Variants in LPP observed in about 807,000 individuals in gnomAD.
The protein encoded by LPP is LIM domain containing preferred translocation partner in lipoma.
In LPP, 38 loss-of-function variants were observed where a neutral mutation model predicts 60.4. The observed-to-expected ratio is 0.63, with a 90% CI of 0.49 to 0.83. The LOEUF is 0.83. Among genes scored for constraint, LPP ranks in the 40% least tolerant of loss-of-function variants. The pLI is 0.00. For missense variants in LPP, 902 were observed against 783.6 expected, an observed-to-expected ratio of 1.15 and a Z score of -1.80; for synonymous variants, 328 against 290.8, an observed-to-expected ratio of 1.13 and a Z score of -1.30.
intron 3 of LPP, among the ~76,000 whole-genome samples, chr3:188,372,181 TG>T (rs1472624898): frequency 6.6e-6 from 1 of 152,100 alleles, no homozygotes; most frequent in Admixed American, 6.6e-5. Flanking sequence ...TTTTCAAAAT[TG>T]GCTTGACAGC....
intron 1 of LPP, among the ~76,000 whole-genome samples, chr3:188,177,575 G>C (rs201411056): frequency 6.6e-6 from 1 of 152,116 alleles, no homozygotes; most frequent in Non-Finnish European, 1.5e-5. Context: ...GGAGAGGCCT[G>C]GCTAGGAGTT....
At chr3:188,340,621 T>G (rs1762814472) in intron 2 of LPP, among the ~76,000 whole-genome samples, 1 of 152,126 alleles carries the variant, frequency 6.6e-6, no homozygotes, top group African/African-American at 2.4e-5. Flanking sequence ...ACCTAGGGCA[T>G]GATTATGGGC....
chr3:188,270,104 C>T (rs1430638928), intron 2 of LPP, among the ~76,000 whole-genome samples: 3 of 152,112 alleles, frequency 2.0e-5, no homozygotes, highest in East Asian at 3.9e-4. Flanking sequence ...TGGTTGTTCG[C>T]AGGAAAGAGG....
chr3:188,230,639 C>T (rs971516467), intron 2 of LPP, among the ~76,000 whole-genome samples: 18 of 151,552 alleles, frequency 1.2e-4, no homozygotes, highest in African/African-American at 3.2e-4. Context: ...CAAAATTAGC[C>T]GGGCATGCCT....
chr3:188,686,158 G>T (rs539709047), intron 7 of LPP, among the ~76,000 whole-genome samples: 26 of 152,062 alleles, frequency 1.7e-4, no homozygotes, highest in Middle Eastern at 6.8e-3. Flanking sequence ...GAAATACTCA[G>T]CCCAGAGCTC....
At chr3:188,630,093 G>A (rs573535624) in intron 7 of LPP, among the ~76,000 whole-genome samples, 1 of 152,202 alleles carries the variant, frequency 6.6e-6, no homozygotes, top group African/African-American at 2.4e-5. Context: ...GTCTCCGAAA[G>A]CAATTGCAAC....
At chr3:188,228,613 G>T (rs916961617) in intron 2 of LPP, among the ~76,000 whole-genome samples, 3 of 152,150 alleles carry the variant, frequency 2.0e-5, no homozygotes, top group Non-Finnish European at 4.4e-5. Context: ...GCAAGACCCT[G>T]TCTCTACAAC....
At chr3:188,756,620 A>AT in intron 8 of LPP, among the ~76,000 whole-genome samples, 1 of 152,242 alleles carries the variant, frequency 6.6e-6, no homozygotes, top group East Asian at 1.9e-4. Flanking sequence ...CAGTTTGTAA[A>AT]TGTTTGTTCA....
chr3:188,484,617 A>T lies in LPP; in HGVS notation c.219A>T (p.Pro73=). The T allele has an allele frequency of 6.2e-7, 1 of 1,613,646 alleles. No individual in the cohort carries two copies. Residue 73 remains proline (P), a synonymous_variant, in exon 5 of 12, where the codon CCA becomes CCT. Transcript: ENST00000617246. ...GTGATTTTCTTCCACCCCCACCTCC[A>T]CCTCTAGATGATTCCAGTGCCCTTC... ...GEGDFLPPPP[P]PLDDSSALPS... is the part of the protein sequence containing the mutation.
chr3:188,717,253 A>G (rs1443892308), intron 8 of LPP, among the ~76,000 whole-genome samples: 1 of 152,246 alleles, frequency 6.6e-6, no homozygotes, highest in Admixed American at 6.5e-5. Flanking sequence ...CATAAGATAG[A>G]TGAGTTAACA....
Position 188,797,895 on chromosome 3 carries a change from G to A in LPP, c.1410+37613G>A, listed in dbSNP as rs1289898086. Reference sequence around the variant, plus strand: ...CTGGTGGGAAAAATGCTTTGAGGTTGAATTAAGCTCACATTGAACTCTATG... The same window carrying A: ...CTGGTGGGAAAAATGCTTTGAGGTTAAATTAAGCTCACATTGAACTCTATG... On this transcript the variant is annotated intron_variant, in intron 9 of 11. Coordinates refer to ENST00000617246, the MANE Select transcript of LPP (RefSeq NM_001375462.1). 2.6e-5 allele frequency among the ~76,000 whole-genome samples: 4 copies of A among 152,166 alleles called. No individual in the cohort carries two copies. The East Asian group carries it at 7.7e-4, about 29-fold the overall frequency.
intron 9 of LPP, among the ~76,000 whole-genome samples, chr3:188,782,740 A>G (rs937574959): frequency 2.6e-5 from 3 of 114,276 alleles, no homozygotes; most frequent in Admixed American, 8.7e-5. Flanking sequence ...TGTTGCTGGG[A>G]AAAAAAAAAA....
chr3:188,486,482 TGGGCATTATCAATATG>T (rs1806563075), intron 5 of LPP, among the ~76,000 whole-genome samples: 1 of 152,152 alleles, frequency 6.6e-6, no homozygotes, highest in South Asian at 2.1e-4. Context: ...CCTACTAGGA[TGGGCATTATCAATATG>T]GCCCCACTGA....
intron 3 of LPP, among the ~76,000 whole-genome samples, chr3:188,386,100 A>T (rs1778194347): frequency 6.6e-6 from 1 of 152,106 alleles, no homozygotes; most frequent in Non-Finnish European, 1.5e-5. Flanking sequence ...AAGTATGAGA[A>T]ATGATTGATG....
intron 7 of LPP, among the ~76,000 whole-genome samples, chr3:188,700,099 C>T (rs965142055): frequency 5.3e-5 from 8 of 152,018 alleles, no homozygotes; most frequent in African/African-American, 1.9e-4. Flanking sequence ...AGGGAAGGAA[C>T]CTCTTGTACA....
At chr3:188,371,641 A>ATATATATATATAT (rs1553878071) in intron 3 of LPP, among the ~76,000 whole-genome samples, 2 of 32,172 alleles carry the variant, frequency 6.2e-5, no homozygotes, top group Non-Finnish European at 1.0e-4. Context: ...ATATATATAT[A>ATATATATATATAT]TTTTTTTTTT....
In LPP at chr3:188,310,399, A is replaced by G. The variant is rs149377711; in HGVS notation, c.-66-31264A>G. On this transcript the variant is annotated intron_variant, in intron 2 of 11. Transcript: ENST00000617246. ...AGGATGCCCGGTTGATGAGTGCGCT[A>G]TAGGTGCTTGGGAGTGAGAAGGCAA... Among the ~76,000 whole-genome samples the G allele has an allele frequency of 2.7e-3, 405 of 152,204 alleles. 2 individuals carry two copies. The highest frequency in any genetic ancestry group is 4.2e-3 in the Non-Finnish European group (289 of 68,008).
intron 1 of LPP, among the ~76,000 whole-genome samples, chr3:188,160,247 T>A (rs1347455968): frequency 6.6e-6 from 1 of 151,750 alleles, no homozygotes; most frequent in Non-Finnish European, 1.5e-5. Context: ...CAGGCTGTAG[T>A]GCAATGGCCC....
intron 4 of LPP, among the ~76,000 whole-genome samples, chr3:188,480,539 C>A (rs1453980205): frequency 6.6e-6 from 1 of 152,132 alleles, no homozygotes; most frequent in Non-Finnish European, 1.5e-5. Context: ...ATGGAGGGAC[C>A]AGGTCTGAAG....
Sources: allele counts gnomAD v4.1 joint callset (sites outside exome capture counted in the v4.1 genomes callset), GRCh38; gene constraint gnomAD v4.1.1; transcripts MANE v1.5; gene names NCBI Gene and HGNC (gene_info 2026-07-23, HGNC 2026-07-21).